Variants in MRPL42 observed in about 807,000 individuals in gnomAD.
MRPL42 encodes large ribosomal subunit protein mL42.
MRPL42 carries 17 observed loss-of-function variants against 17.9 expected under a neutral mutation model. The ratio of observed to expected loss-of-function variants is 0.95; its 90% CI spans 0.65 to 1.42. MRPL42 has a LOEUF of 1.42. Ranked by LOEUF, MRPL42 falls within the 40% of genes most tolerant of loss-of-function variation. The pLI is 0.00. For missense variants in MRPL42, 177 were observed against 175.2 expected (o/e 1.01, Z -0.06); for synonymous variants, 59 against 54.4 (o/e 1.08, Z -0.37).
chr12:93,468,646 T>G (rs1305816090), intron 1 of MRPL42, among the ~76,000 whole-genome samples: 1 of 152,164 alleles, frequency 6.6e-6, no homozygotes, highest in Non-Finnish European at 1.5e-5. Flanking sequence ...ATGGTGAAAT[T>G]TTATCTGGGA....
At chr12:93,479,967 T>C (rs1880379864) in intron 4 of MRPL42, among the ~76,000 whole-genome samples, 1 of 152,018 alleles carries the variant, frequency 6.6e-6, no homozygotes, top group Non-Finnish European at 1.5e-5. Flanking sequence ...AGTTAGATTT[T>C]TTTCCCTATT....
In MRPL42 at chr12:93,503,520, A is replaced by G. The variant is rs1953627201; in HGVS notation, c.*2299A>G. 1 of 151,946 alleles carries G rather than the reference A, an allele frequency of 6.6e-6. No individual in the cohort carries two copies. The allele number at this position is 151,946 out of a possible 1,614,324, so 9.4% of individuals were successfully genotyped here. On this transcript the variant is annotated 3_prime_UTR_variant, in exon 6 of 6. Coordinates refer to ENST00000549982, the MANE Select transcript of MRPL42 (RefSeq NM_014050.4). Reference sequence around the variant, plus strand: ...CGCAGCCTCCCGAATTGCTGAGACTACACATGTGTGCTACCATGCCTGGCT... The same window carrying G: ...CGCAGCCTCCCGAATTGCTGAGACTGCACATGTGTGCTACCATGCCTGGCT...
At chr12:93,470,445 A>T (rs570121056) in intron 2 of MRPL42, 1 of 1,264,604 alleles carries the variant, frequency 7.9e-7, no homozygotes, top group Non-Finnish European at 1.0e-6. Context: ...TTTTATATTA[A>T]ACTATGTGAG....
chr12:93,489,129 A>T (rs1004613366), intron 5 of MRPL42, among the ~76,000 whole-genome samples: 1 of 152,210 alleles, frequency 6.6e-6, no homozygotes, highest in Non-Finnish European at 1.5e-5. Context: ...GTAAAACATA[A>T]TCCCCAGTTA....
At chr12:93,496,311 G>A (rs961498644) in intron 5 of MRPL42, among the ~76,000 whole-genome samples, 3 of 151,810 alleles carry the variant, frequency 2.0e-5, no homozygotes, top group African/African-American at 4.8e-5. Flanking sequence ...CACCCACCTC[G>A]GGCTCCCAAA....
chr12:93,483,692 A>G (rs1880573018), intron 4 of MRPL42, among the ~76,000 whole-genome samples: 1 of 152,206 alleles, frequency 6.6e-6, no homozygotes, highest in Non-Finnish European at 1.5e-5. Context: ...CTTTATAAAC[A>G]AACACTGTAT....
Position 93,511,697 on chromosome 12 carries a change from A to T in MRPL42, c.*10476A>T, listed in dbSNP as rs549968053. The stretch of plus-strand genomic sequence containing the variant: ...GAATATGATAGTAATATGAAGGAAG[A>T]TTCTCTTTTTTCCACTTCATTGCCA... On this transcript the variant is annotated 3_prime_UTR_variant, in exon 6 of 6. Transcript: ENST00000549982. The T allele has an allele frequency of 3.9e-5, 6 of 152,344 alleles. No homozygotes were observed. In the South Asian group the frequency reaches 6.2e-4, roughly 16 times the overall value. The allele number at this position is 152,344 out of a possible 1,614,324, so 9.4% of individuals were successfully genotyped here.
intron 3 of MRPL42, among the ~76,000 whole-genome samples, chr12:93,477,806 G>A (rs1592769505): frequency 6.6e-6 from 1 of 152,120 alleles, no homozygotes; most frequent in East Asian, 1.9e-4. Flanking sequence ...GAGACTACAG[G>A]CGCATGCCAC....
intron 1 of MRPL42, among the ~76,000 whole-genome samples, chr12:93,467,789 C>T (rs1289657874): frequency 6.6e-6 from 1 of 152,210 alleles, no homozygotes; most frequent in Non-Finnish European, 1.5e-5. Context: ...GCTTGTGGCT[C>T]TAGGGACTCC....
chr12:93,477,183 T>TA lies in MRPL42; in HGVS notation c.134+167dup, dbSNP rs564798547. On this transcript the variant is annotated intron_variant, in intron 3 of 5. Transcript: ENST00000549982. ...ATTTTATTTACCCAGTATCTGGGCT[T>TA]ATAAACATTTTAAATAAAAATCATT... Among the ~76,000 whole-genome samples the TA allele has an allele frequency of 3.3e-4, 51 of 152,362 alleles. No homozygotes were observed. The East Asian group carries it at 7.5e-3, about 22-fold the overall frequency.
chr12:93,488,318 G>A, intron 5 of MRPL42: 1 of 398,396 alleles, frequency 2.5e-6, no homozygotes, highest in Non-Finnish European at 4.4e-6. Flanking sequence ...GTGTTGCGCA[G>A]GCTGATTTTA....
intron 1 of MRPL42, among the ~76,000 whole-genome samples, chr12:93,467,970 G>A (rs1230710484): frequency 6.6e-6 from 1 of 152,100 alleles, no homozygotes; most frequent in Non-Finnish European, 1.5e-5. Context: ...CTTTTCTCTG[G>A]GCTTCGGACA....
At chr12:93,468,765 A>G (rs993904554) in intron 1 of MRPL42, among the ~76,000 whole-genome samples, 5 of 152,144 alleles carry the variant, frequency 3.3e-5, no homozygotes, top group African/African-American at 9.7e-5. Flanking sequence ...GCAGACAACT[A>G]TTTCATTTAA....
At chr12:93,487,971 C>CTTT in intron 5 of MRPL42, 1 of 179,160 alleles carries the variant, frequency 5.6e-6, no homozygotes, top group Non-Finnish European at 1.1e-5. Flanking sequence ...TAATTTTGTT[C>CTTT]TTTTTTTTTT....
intron 5 of MRPL42, chr12:93,500,906 T>C (rs1191922022): frequency 9.6e-6 from 3 of 313,674 alleles, no homozygotes; most frequent in Non-Finnish European, 1.8e-5. Flanking sequence ...TGTAGTACAC[T>C]ATTATTGAGC....
At position 93,513,931 on chromosome 12, in the gene MRPL42, A is replaced by C. The variant is rs911619357; in HGVS notation, c.*12710A>C. The C allele has an allele frequency of 1.3e-5, 2 of 152,018 alleles. No individual in the cohort carries two copies. The highest frequency in any genetic ancestry group is 2.9e-5 in the Non-Finnish European group (2 of 68,074). 9.4% of individuals were successfully genotyped at this position (152,018 alleles called of 1,614,324 possible). A position where few individuals can be genotyped will look rare whatever the true frequency, so the allele number is the denominator to read the frequency against. On this transcript the variant is annotated 3_prime_UTR_variant, in exon 6 of 6. Coordinates refer to ENST00000549982, the MANE Select transcript of MRPL42 (RefSeq NM_014050.4). ...AGTGGTGTGATCTTGGCTCACTGCA[A>C]CCTCCGTCTCCCAGGTTCAAGCAAG...
rs1048487528 is a variant in MRPL42 at position 93,510,501 on chromosome 12, C to T, written c.*9280C>T. 3.3e-5 allele frequency: 5 copies of T among 152,168 alleles called. No individual in the cohort carries two copies. The highest frequency in any genetic ancestry group is 2.1e-4 in the South Asian group (1 of 4,828). The allele number at this position is 152,168 out of a possible 1,614,324, so 9.4% of individuals were successfully genotyped here. A position where few individuals can be genotyped will look rare whatever the true frequency, so the allele number is the denominator to read the frequency against. ...TGGATTGAATGCTAAGAGAATGTTT[C>T]GTTTTGTAAAAAACCACCAAACTGT... is the stretch of plus-strand genomic sequence containing the variant. On this transcript the variant is annotated 3_prime_UTR_variant, in exon 6 of 6. Coordinates refer to ENST00000549982, the MANE Select transcript of MRPL42 (RefSeq NM_014050.4).
Position 93,469,157 on chromosome 12 carries a change from T to C in MRPL42, c.-94-35T>C, listed in dbSNP as rs571708722. ...TGTTTAATATAACTTAAATTTACCA[T>C]AGGTAGCACTGATTTTTCTTTATCT... On this transcript the variant is annotated intron_variant, in intron 1 of 5. Coordinates refer to ENST00000549982, the MANE Select transcript of MRPL42 (RefSeq NM_014050.4). The C allele has an allele frequency of 1.7e-5, 11 of 634,590 alleles. 1 individual carries two copies. In the South Asian group the frequency reaches 2.3e-4, roughly 13 times the overall value. The allele number at this position is 634,590 out of a possible 1,614,324, so 39.3% of individuals were successfully genotyped here.
At chr12:93,487,955 CCTGG>C in intron 5 of MRPL42, 1 of 260,470 alleles carries the variant, frequency 3.8e-6, no homozygotes, top group Non-Finnish European at 7.0e-6. Context: ...TGCCACCACA[CCTGG>C]CTAATTTTGT....
Sources: allele counts gnomAD v4.1 joint callset (sites outside exome capture counted in the v4.1 genomes callset), GRCh38; gene constraint gnomAD v4.1.1; transcripts MANE v1.5; gene names NCBI Gene and HGNC (gene_info 2026-07-23, HGNC 2026-07-21).